LRRC20: variants seen among roughly 807,000 people sequenced by gnomAD.
LRRC20 encodes the protein leucine rich repeat containing 20, also known as leucine-rich repeat-containing protein 20.
In LRRC20, 11 loss-of-function variants were observed where a neutral mutation model predicts 14.4. The observed-to-expected ratio is 0.77, with a 90% CI of 0.48 to 1.27. The LOEUF (loss-of-function observed/expected upper bound fraction) is 1.27. Among genes scored for constraint, LRRC20 ranks in the 50% most tolerant of loss-of-function variants. LRRC20 has a pLI of 0.00. For missense variants in LRRC20, 219 were observed against 251.2 expected (o/e 0.87, Z 0.87); for synonymous variants, 121 against 107.3 (o/e 1.13, Z -0.79).
chr10:70,348,872 C>T (rs1843175868), intron 2 of LRRC20, among the ~76,000 whole-genome samples: 1 of 152,208 alleles, frequency 6.6e-6, no homozygotes, highest in Non-Finnish European at 1.5e-5. Context: ...AGGTTGGGCA[C>T]CATCTATACC....
At chr10:70,349,025 G>A (rs1843183883) in intron 2 of LRRC20, among the ~76,000 whole-genome samples, 1 of 151,496 alleles carries the variant, frequency 6.6e-6, no homozygotes, top group Non-Finnish European at 1.5e-5. Context: ...GGGAAGGGGG[G>A]CCCCACCCAG....
intron 4 of LRRC20, among the ~76,000 whole-genome samples, chr10:70,311,397 T>C (rs1369688373): frequency 6.6e-6 from 1 of 152,032 alleles, no homozygotes; most frequent in African/African-American, 2.4e-5. Flanking sequence ...AATTTTTGCA[T>C]TTTTAGTAGA....
intron 4 of LRRC20, among the ~76,000 whole-genome samples, chr10:70,309,357 T>C (rs556444728): frequency 1.3e-5 from 2 of 152,312 alleles, no homozygotes; most frequent in South Asian, 4.1e-4. Context: ...TAAGAAAACT[T>C]GATTCTCAGT....
In LRRC20 at chr10:70,323,996, G is replaced by C. The variant is rs777664468; in HGVS notation, c.267C>G (p.Leu89=). ...GCTGCAGGGCACTGACCTCGCTGGG[G>C]AGGCGGTGTAGGAAGTTCCCCTCCA... The part of the protein sequence containing the change: ...LHLEGNFLHR[L]PSEVSALQHL... Residue 89 remains leucine (L), a synonymous_variant, in exon 4 of 5, where the codon CTC becomes CTG. Coordinates refer to ENST00000446961, the MANE Select transcript of LRRC20 (RefSeq NM_001278212.2). The C allele has an allele frequency of 6.2e-7, 1 of 1,614,064 alleles. No individual in the cohort carries two copies. Among genetic ancestry groups the C allele is most frequent in the Non-Finnish European group, 8.5e-7 (1 of 1,180,050 alleles).
chr10:70,322,833 G>A (rs749950407), intron 4 of LRRC20, among the ~76,000 whole-genome samples: 4 of 151,978 alleles, frequency 2.6e-5, no homozygotes, highest in Non-Finnish European at 5.9e-5. Context: ...AACCTCAAAG[G>A]TCAGCTGGTC....
At chr10:70,339,836 A>T (rs1842847638) in intron 3 of LRRC20, among the ~76,000 whole-genome samples, 1 of 151,960 alleles carries the variant, frequency 6.6e-6, no homozygotes, top group African/African-American at 2.4e-5. Flanking sequence ...AAATGCCAAC[A>T]TCGGCCAGGC....
chr10:70,315,355 G>A (rs1316260730), intron 4 of LRRC20, among the ~76,000 whole-genome samples: 1 of 152,158 alleles, frequency 6.6e-6, no homozygotes, highest in Non-Finnish European at 1.5e-5. Context: ...TCCCCAGAGG[G>A]TTGACAAGAA....
intron 4 of LRRC20, among the ~76,000 whole-genome samples, chr10:70,310,767 A>T (rs545585162): frequency 6.6e-6 from 1 of 152,314 alleles, no homozygotes; most frequent in East Asian, 1.9e-4. Flanking sequence ...AGCTACACTC[A>T]AGAGTTGGGG....
chr10:70,373,125 T>C (rs1367632910), intron 2 of LRRC20, among the ~76,000 whole-genome samples: 1 of 151,938 alleles, frequency 6.6e-6, no homozygotes, highest in East Asian at 1.9e-4. Context: ...AAAAAAGCAT[T>C]GTATAGCTGT....
chr10:70,379,472 C>T (rs1337721270), intron 1 of LRRC20, among the ~76,000 whole-genome samples: 1 of 152,236 alleles, frequency 6.6e-6, no homozygotes, highest in African/African-American at 2.4e-5. Flanking sequence ...CCATTCCATG[C>T]TCCCTCCTTT....
At chr10:70,343,925 A>G (rs1029137173) in intron 2 of LRRC20, among the ~76,000 whole-genome samples, 4 of 152,220 alleles carry the variant, frequency 2.6e-5, no homozygotes, top group African/African-American at 9.6e-5. Context: ...CAGGCCGGGC[A>G]TGGTGTCTCA....
chr10:70,314,995 C>T (rs975155715), intron 4 of LRRC20, among the ~76,000 whole-genome samples: 1 of 152,200 alleles, frequency 6.6e-6, no homozygotes, highest in African/African-American at 2.4e-5. Flanking sequence ...TGCAGCAAGA[C>T]TACTTGGGTT....
At chr10:70,326,811 C>T (rs556240389) in intron 3 of LRRC20, among the ~76,000 whole-genome samples, 1 of 152,292 alleles carries the variant, frequency 6.6e-6, no homozygotes, top group Admixed American at 6.5e-5. Flanking sequence ...CGCCACCACG[C>T]CTGGCTAATT....
At chr10:70,318,407 A>C (rs1464113800) in intron 4 of LRRC20, among the ~76,000 whole-genome samples, 1 of 152,244 alleles carries the variant, frequency 6.6e-6, no homozygotes, top group African/African-American at 2.4e-5. Context: ...CAAGGGCAGA[A>C]TTAAGTAAAT....
At chr10:70,326,006 C>T (rs1349313676) in intron 3 of LRRC20, among the ~76,000 whole-genome samples, 1 of 152,124 alleles carries the variant, frequency 6.6e-6, no homozygotes, top group South Asian at 2.1e-4. Context: ...TTTGATCTTT[C>T]CTTACTTAGA....
intron 2 of LRRC20, among the ~76,000 whole-genome samples, chr10:70,360,643 A>C (rs912325042): frequency 2.0e-5 from 3 of 151,916 alleles, no homozygotes; most frequent in African/African-American, 4.8e-5. Flanking sequence ...TGGTCTCACT[A>C]TATGGCCTAG....
intron 2 of LRRC20, among the ~76,000 whole-genome samples, chr10:70,349,338 G>A (rs933420668): frequency 1.3e-5 from 2 of 152,212 alleles, no homozygotes; most frequent in African/African-American, 4.8e-5. Flanking sequence ...AGCATTTTGG[G>A]AGGCTGAGGC....
intron 2 of LRRC20, among the ~76,000 whole-genome samples, chr10:70,375,865 T>TG (rs1214023849): frequency 6.6e-6 from 1 of 152,120 alleles, no homozygotes; most frequent in African/African-American, 2.4e-5. Context: ...TTAAATGGGA[T>TG]GGTTTGCCTA....
At chr10:70,380,622 T>TA (rs1430879229) in intron 1 of LRRC20, among the ~76,000 whole-genome samples, 1 of 152,112 alleles carries the variant, frequency 6.6e-6, no homozygotes, top group African/African-American at 2.4e-5. Context: ...CAATAGAGGG[T>TA]AGGCCTTAGA....
Sources: allele counts gnomAD v4.1 joint callset (sites outside exome capture counted in the v4.1 genomes callset), GRCh38; gene constraint gnomAD v4.1.1; transcripts MANE v1.5; gene names NCBI Gene and HGNC (gene_info 2026-07-23, HGNC 2026-07-21).